The following CREBBP variants were observed in gnomAD, a reference collection of about 807,000 sequenced individuals.
CREBBP encodes the protein CREB binding lysine acetyltransferase.
In CREBBP, 19 loss-of-function variants were observed where a neutral mutation model predicts 265.0. The observed-to-expected ratio is 0.07, with a 90% confidence interval of 0.05 to 0.11. CREBBP has a LOEUF of 0.11. CREBBP is among the 10% of genes least tolerant of loss of function. The pLI, the probability that CREBBP is intolerant of heterozygous loss-of-function variation, is 1.00. For missense variants in CREBBP, 2,525 were observed against 3,219.0 expected, an observed-to-expected ratio of 0.78 and a Z score of 5.22; for synonymous variants, 1,457 against 1,223.7, an observed-to-expected ratio of 1.19 and a Z score of -3.98.
chr16:3,841,011 TA>T (rs2054555772), intron 2 of CREBBP: 1 of 156,714 alleles, frequency 6.4e-6, no homozygotes, highest in Non-Finnish European at 1.5e-5. Context: ...ACTTCAGCCA[TA>T]AACCTTATTC....
Position 3,792,110 on chromosome 16 carries a change from C to A in CREBBP, c.1217-16G>T. ...CAATGGGCAACTATGACCAGAAAAA[C>A]AACGAGATGTTATTTTTCTATCCAA... On this transcript the variant is annotated splice_polypyrimidine_tract_variant and intron_variant, in intron 4 of 30. Transcript: ENST00000262367. 6.4e-7 allele frequency: 1 copy of A among 1,567,614 alleles called. No individual in the cohort carries two copies. The highest frequency in any genetic ancestry group is 1.1e-5 in the South Asian group (1 of 90,142).
chr16:3,763,129 T>C (rs967557774), intron 16 of CREBBP, among the ~76,000 whole-genome samples: 3 of 152,018 alleles, frequency 2.0e-5, no homozygotes, highest in East Asian at 1.9e-4. Flanking sequence ...CCCTTCTATG[T>C]GCTGTAAGAT....
chr16:3,876,966 TTC>T (rs1170634090), intron 1 of CREBBP, among the ~76,000 whole-genome samples: 1 of 152,182 alleles, frequency 6.6e-6, no homozygotes, highest in Non-Finnish European at 1.5e-5. Flanking sequence ...GGGTGCATTT[TTC>T]TCTCAGCTCA....
In CREBBP at chr16:3,736,081, CTCT is replaced by C. The variant is rs754552597; in HGVS notation, c.4680_4682del (p.Glu1562del). The C allele has an allele frequency of 6.2e-6, 10 of 1,614,118 alleles. No individual in the cohort carries two copies. Among genetic ancestry groups the C allele is most frequent in the South Asian group, 3.3e-5 (3 of 91,092 alleles). Reference sequence around the variant, plus strand: ...CAGTGCTCTCTTCCTTTTTCCTCTCCTCTTCTTCTTGTTCTAGTTCCTTAATGC... The same window carrying C: ...CAGTGCTCTCTTCCTTTTTCCTCTCCTCTTCTTGTTCTAGTTCCTTAATGC... On this transcript the variant is annotated inframe_deletion, in exon 28 of 31. Coordinates refer to ENST00000262367, the MANE Select transcript of CREBBP (RefSeq NM_004380.3).
intron 1 of CREBBP, among the ~76,000 whole-genome samples, chr16:3,863,201 G>A (rs533453031): frequency 6.4e-4 from 97 of 152,266 alleles, no homozygotes; most frequent in African/African-American, 2.2e-3. Flanking sequence ...TAAAATTTTA[G>A]CTTTTTTATT....
chr16:3,849,291 C>G (rs77255398), intron 2 of CREBBP, among the ~76,000 whole-genome samples: 1,959 of 151,658 alleles, frequency 0.013, 47 homozygotes, highest in African/African-American at 0.044. Flanking sequence ...TCCCCCTTCT[C>G]CAAGTCCAGT....
At chr16:3,749,251 T>C (rs550192888) in intron 21 of CREBBP, among the ~76,000 whole-genome samples, 1 of 152,356 alleles carries the variant, frequency 6.6e-6, no homozygotes, top group East Asian at 1.9e-4. Context: ...AGAGGTTTTC[T>C]TTCTGGTATT....
At chr16:3,775,361 C>G (rs2053112473) in intron 11 of CREBBP, among the ~76,000 whole-genome samples, 1 of 152,250 alleles carries the variant, frequency 6.6e-6, no homozygotes, top group Non-Finnish European at 1.5e-5. Context: ...GTAAGTGTCT[C>G]CAGACTGCGG....
At chr16:3,743,954 T>C (rs1178419386) in intron 23 of CREBBP, among the ~76,000 whole-genome samples, 1 of 152,004 alleles carries the variant, frequency 6.6e-6, no homozygotes, top group Admixed American at 6.6e-5. Flanking sequence ...CGGGCGCCTG[T>C]AGTCCCAGCT....
chr16:3,732,081 G>T, intron 28 of CREBBP, 144 bp from the exon 29 acceptor site: 1 of 1,452,372 alleles, frequency 6.9e-7, no homozygotes, highest in Non-Finnish European at 9.6e-7. Context: ...ACGGCTACAG[G>T]TGGCTGTAGG....
intron 1 of CREBBP, among the ~76,000 whole-genome samples, chr16:3,868,905 T>C (rs1286790780): frequency 6.6e-6 from 1 of 152,028 alleles, no homozygotes; most frequent in African/African-American, 2.4e-5. Context: ...AAGAATGAAG[T>C]GGTAGGAGTC....
At chr16:3,757,183 G>A in intron 19 of CREBBP, 105 bp downstream of exon 19, 1 of 1,029,318 alleles carries the variant, frequency 9.7e-7, no homozygotes, top group Non-Finnish European at 1.5e-6. Flanking sequence ...CTGAAATTGG[G>A]CCACTTTTTA....
chr16:3,782,414 G>T (rs1312242529), intron 6 of CREBBP, among the ~76,000 whole-genome samples: 1 of 152,206 alleles, frequency 6.6e-6, no homozygotes, highest in Non-Finnish European at 1.5e-5. Context: ...GCATTCTGAG[G>T]CACATGGCAC....
chr16:3,762,813 C>T (rs185541464), intron 16 of CREBBP, among the ~76,000 whole-genome samples: 157 of 152,036 alleles, frequency 1.0e-3, no homozygotes, highest in African/African-American at 3.6e-3. Context: ...CTTGCTCTGT[C>T]GCCCAGGCTG....
At chr16:3,817,906 A>G (rs1237099019) in intron 2 of CREBBP, among the ~76,000 whole-genome samples, 1 of 152,070 alleles carries the variant, frequency 6.6e-6, no homozygotes, top group Non-Finnish European at 1.5e-5. Context: ...GATTAAGAAT[A>G]CCTGTCCTTG....
Position 3,879,984 on chromosome 16 carries a change from G to GGGGGCCC in CREBBP, c.-75_-69dup, listed in dbSNP as rs2055494252. On this transcript the variant is annotated 5_prime_UTR_variant, in exon 1 of 31. Transcript: ENST00000262367. ...GCCGGCGAGGGCCCGGACGGGGGTC[G>GGGGGCCC]GGGGCCCTGCCGGCTGCGAGGGAGA... 2.0e-6 allele frequency: 3 copies of GGGGGCCC among 1,480,190 alleles called. No homozygotes were observed. Among genetic ancestry groups the GGGGGCCC allele is most frequent in the South Asian group, 1.2e-5 (1 of 83,286 alleles). 91.7% of individuals were successfully genotyped at this position (1,480,190 alleles called of 1,614,324 possible).
chr16:3,781,826 A>G (rs1034214696), intron 6 of CREBBP, among the ~76,000 whole-genome samples: 2 of 152,232 alleles, frequency 1.3e-5, no homozygotes, highest in Non-Finnish European at 2.9e-5. Context: ...TACCATCAAC[A>G]GGAGAGGAGT....
intron 1 of CREBBP, among the ~76,000 whole-genome samples, chr16:3,851,817 G>A (rs1467087290): frequency 5.3e-4 from 71 of 133,240 alleles, no homozygotes; most frequent in African/African-American, 2.0e-3. Context: ...TTGCGCCACT[G>A]CAGTCCGCAG....
At chr16:3,832,314 C>A (rs2054359069) in intron 2 of CREBBP, among the ~76,000 whole-genome samples, 1 of 152,054 alleles carries the variant, frequency 6.6e-6, no homozygotes, top group South Asian at 2.1e-4. Context: ...GAACAATTCC[C>A]AGGTAACTTC....
Sources: gnomAD v4.1 joint callset for allele counts (sites outside exome capture counted in the v4.1 genomes callset) on GRCh38, gnomAD v4.1.1 for gene constraint, MANE v1.5 for transcripts, NCBI Gene and HGNC (gene_info 2026-07-23, HGNC 2026-07-21) for gene names.